CRTAC1: variants seen among roughly 807,000 people sequenced by gnomAD.
CRTAC1 encodes the protein acidic secreted protein in cartilage.
CRTAC1 carries 37 observed loss-of-function variants against 67.8 expected under a neutral mutation model. The ratio of observed to expected loss-of-function variants is 0.55; its 90% CI spans 0.42 to 0.72. The LOEUF is 0.72. Ranked by LOEUF, CRTAC1 falls within the 30% of genes least tolerant of loss-of-function variation. CRTAC1 has a pLI of 0.00. For synonymous variants in CRTAC1, 348 were observed against 371.0 expected (o/e 0.94, Z 0.71); for missense variants, 780 against 931.6 (o/e 0.84, Z 2.12).
chr10:97,997,535 G>A (rs1430771894), intron 2 of CRTAC1, among the ~76,000 whole-genome samples: 1 of 150,654 alleles, frequency 6.6e-6, no homozygotes, highest in Non-Finnish European at 1.5e-5. Flanking sequence ...ATATAATAAG[G>A]AAGCAAGCCA....
At chr10:98,010,664 C>A (rs959094842) in intron 2 of CRTAC1, among the ~76,000 whole-genome samples, 3 of 152,148 alleles carry the variant, frequency 2.0e-5, no homozygotes, top group Non-Finnish European at 2.9e-5. Flanking sequence ...CATCTTCCCC[C>A]CTCTTTGAAA....
rs529368432 is a variant in CRTAC1, at chr10:97,893,314, T to C, written c.1486+1931A>G. ...ATTTGTATTTACTAATTTGAGACCA[T>C]AGTGCCTATTCCTTTTATATTAAAA... is the stretch of plus-strand genomic sequence containing the variant. On this transcript the variant is annotated intron_variant, in intron 11 of 14. Coordinates refer to ENST00000370597, the MANE Select transcript of CRTAC1 (RefSeq NM_018058.7). Among the ~76,000 whole-genome samples, 182 of 152,354 alleles carry C rather than the reference T, an allele frequency of 1.2e-3. 2 individuals are homozygous for C. Among genetic ancestry groups the C allele is most frequent in the Admixed American group, 2.7e-3 (41 of 15,306 alleles).
intron 2 of CRTAC1, among the ~76,000 whole-genome samples, chr10:97,990,832 A>T (rs544051097): frequency 2.6e-5 from 4 of 152,312 alleles, no homozygotes; most frequent in African/African-American, 9.6e-5. Context: ...CCTAGGTGAG[A>T]CATTGATTCA....
intron 2 of CRTAC1, among the ~76,000 whole-genome samples, chr10:97,999,659 G>T (rs191480451): frequency 1.5e-3 from 225 of 152,342 alleles, no homozygotes; most frequent in African/African-American, 5.1e-3. Context: ...TTTAGGGCAG[G>T]GAGGGCCTGA....
chr10:98,011,307 G>T lies in CRTAC1; in HGVS notation c.55C>A (p.Leu19Ile). ...MSRMLPFLLL[L>I]WFLPITEGSQ... is the part of the protein sequence containing the mutation. The stretch of plus-strand genomic sequence containing the variant: ...CCCTCAGTGATGGGCAGAAACCAGA[G>T]CAGCAGCAGGAACGGTAACATCCTG... Residue 19 changes from leucine (L) to isoleucine (I), a missense_variant, in exon 2 of 15, where the codon CTC (leucine) becomes ATC (isoleucine). Physicochemically the swap from Leu to Ile is conservative, Grantham distance 5. Transcript: ENST00000370597. 1 of 1,614,110 alleles carries T rather than the reference G, an allele frequency of 6.2e-7. No individual in the cohort carries two copies. Among genetic ancestry groups the T allele is most frequent in the Non-Finnish European group, 8.5e-7 (1 of 1,180,022 alleles).
At chr10:97,910,903 C>T (rs537537485) in intron 5 of CRTAC1, among the ~76,000 whole-genome samples, 1 of 152,326 alleles carries the variant, frequency 6.6e-6, no homozygotes, top group East Asian at 1.9e-4. Context: ...AGAGCCCAAG[C>T]CGCATGAAAA....
chr10:97,870,209 C>G (rs1479667016), intron 14 of CRTAC1: 1 of 152,086 alleles, frequency 6.6e-6, no homozygotes, highest in Non-Finnish European at 1.5e-5. Flanking sequence ...AAAGAGTTTC[C>G]CTGGTGATTT....
At chr10:97,944,745 C>T (rs1023364715) in intron 2 of CRTAC1, among the ~76,000 whole-genome samples, 3 of 150,958 alleles carry the variant, frequency 2.0e-5, no homozygotes, top group Non-Finnish European at 4.4e-5. Context: ...CTGCAAGGGG[C>T]CCAGTAGCTT....
intron 2 of CRTAC1, among the ~76,000 whole-genome samples, chr10:97,998,996 AT>A (rs1842637542): frequency 6.6e-6 from 1 of 152,344 alleles, no homozygotes; most frequent in South Asian, 2.1e-4. Context: ...TAAAAAAAAA[AT>A]GGGATTTAGA....
intron 2 of CRTAC1, among the ~76,000 whole-genome samples, chr10:97,998,213 T>A (rs974042363): frequency 1.3e-5 from 2 of 152,144 alleles, no homozygotes; most frequent in Non-Finnish European, 2.9e-5. Context: ...GCTGAACTGA[T>A]CTGCTTGTCT....
intron 14 of CRTAC1, chr10:97,878,450 C>CTT: frequency 1.5e-5 from 6 of 392,942 alleles, no homozygotes; most frequent in African/African-American, 4.3e-5. Flanking sequence ...ATGGCAGGGG[C>CTT]TTTTTTTTTG....
rs1389955337 is a variant in CRTAC1, at chr10:98,021,286, T to G, written c.24+9163A>C. 2.6e-5 allele frequency among the ~76,000 whole-genome samples: 4 copies of G among 152,214 alleles called. No individual in the cohort carries two copies. The East Asian group carries it at 5.8e-4, about 22-fold the overall frequency. On this transcript the variant is annotated intron_variant, in intron 1 of 14. Transcript: ENST00000370597. ...CATTTTCCCCAGCACCAAGAAAATG[T>G]AAGAATTCCTCTTCCTCCCCTCTAC...
intron 11 of CRTAC1, 97 bp from the exon 12 acceptor site, chr10:97,884,448 A>G (rs2050254693): frequency 4.3e-6 from 5 of 1,172,544 alleles, no homozygotes; most frequent in East Asian, 5.1e-5. Flanking sequence ...GAATAAAAGC[A>G]TGAATTGAGC....
intron 6 of CRTAC1, among the ~76,000 whole-genome samples, chr10:97,907,146 G>A (rs942166004): frequency 1.2e-4 from 18 of 152,200 alleles, no homozygotes; most frequent in East Asian, 3.9e-4. Flanking sequence ...CAAGCCTTGC[G>A]TCAAGAATGA....
Position 98,030,500 on chromosome 10 carries a change from G to C in CRTAC1, c.-28C>G. On this transcript the variant is annotated 5_prime_UTR_variant, in exon 1 of 15. Coordinates refer to ENST00000370597, the MANE Select transcript of CRTAC1 (RefSeq NM_018058.7). The surrounding 1 kb of genome is among the most constrained non-coding windows in gnomAD (Gnocchi z 4.2). ...TCCCGCTCTCGGCCCCGCCGCCTAG[G>C]GGCGTGGGAAGCGGGCGCTCGCTGC... is the stretch of plus-strand genomic sequence containing the variant. The C allele has an allele frequency of 4.8e-6, 6 of 1,244,072 alleles. No homozygotes were observed. Among genetic ancestry groups the C allele is most frequent in the Non-Finnish European group, 6.1e-6 (6 of 986,714 alleles). 77.1% of individuals were successfully genotyped at this position (1,244,072 alleles called of 1,614,324 possible). A position where few individuals can be genotyped will look rare whatever the true frequency, so the allele number is the denominator to read the frequency against.
At chr10:98,022,051 A>T (rs747139377) in intron 1 of CRTAC1, among the ~76,000 whole-genome samples, 1 of 152,192 alleles carries the variant, frequency 6.6e-6, no homozygotes, top group Non-Finnish European at 1.5e-5. Context: ...GGATAACCTC[A>T]GAGTAGAAAC....
chr10:97,874,846 C>T (rs1005328459), intron 14 of CRTAC1, among the ~76,000 whole-genome samples: 1 of 152,214 alleles, frequency 6.6e-6, no homozygotes, highest in Non-Finnish European at 1.5e-5. Flanking sequence ...CATTCCACCT[C>T]CATCCGGGCC....
intron 6 of CRTAC1, among the ~76,000 whole-genome samples, chr10:97,905,641 C>A (rs146839013): frequency 1.3e-5 from 2 of 152,198 alleles, no homozygotes; most frequent in Non-Finnish European, 2.9e-5. Context: ...CCTGGGTACA[C>A]GCAGCATCTA....
At chr10:97,897,256 T>C (rs1448970213) in intron 8 of CRTAC1, among the ~76,000 whole-genome samples, 1 of 152,216 alleles carries the variant, frequency 6.6e-6, no homozygotes, top group South Asian at 2.1e-4. Flanking sequence ...GGGCAGTTGA[T>C]GGATGAAGAA....
Sources: gnomAD v4.1 joint callset for allele counts (sites outside exome capture counted in the v4.1 genomes callset) on GRCh38, gnomAD v4.1.1 for gene constraint, Gnocchi (gnomAD v3.1) non-coding constraint, MANE v1.5 for transcripts, NCBI Gene and HGNC (gene_info 2026-07-23, HGNC 2026-07-21) for gene names.